STPG2: variants seen among roughly 807,000 people sequenced by gnomAD.
The protein encoded by STPG2 is sperm-tail PG-rich repeat-containing protein 2.
A neutral mutation model predicts 54.2 loss-of-function variants in STPG2; 56 were observed. The ratio of observed to expected loss-of-function variants is 1.03; its 90% CI spans 0.83 to 1.29. STPG2 has a LOEUF of 1.29. Among genes scored for constraint, STPG2 ranks in the 50% most tolerant of loss-of-function variants. The pLI is 0.00. For missense variants in STPG2, 596 were observed against 544.9 expected (o/e 1.09, Z -0.93); for synonymous variants, 200 against 181.8 (o/e 1.10, Z -0.81).
chr4:97,457,672 G>C (rs1729562747), intron 4 of STPG2, among the ~76,000 whole-genome samples: 1 of 152,178 alleles, frequency 6.6e-6, no homozygotes, highest in African/African-American at 2.4e-5. Flanking sequence ...GCCTAAGTTT[G>C]TCTTTTAACA....
At chr4:97,539,045 C>T (rs1266108086) in intron 4 of STPG2, among the ~76,000 whole-genome samples, 2 of 152,080 alleles carry the variant, frequency 1.3e-5, no homozygotes, top group Non-Finnish European at 2.9e-5. Flanking sequence ...GAAGGAAGCA[C>T]TAAACATGGA....
chr4:97,837,605 C>A (rs1193438128), intron 9 of STPG2, among the ~76,000 whole-genome samples: 1 of 151,496 alleles, frequency 6.6e-6, no homozygotes, highest in Non-Finnish European at 1.5e-5. Flanking sequence ...CTTCATTAGA[C>A]AATTCTAACG....
At chr4:98,007,012 T>C (rs1735598052) in intron 5 of STPG2, among the ~76,000 whole-genome samples, 1 of 152,166 alleles carries the variant, frequency 6.6e-6, no homozygotes, top group Non-Finnish European at 1.5e-5. Flanking sequence ...TTCCCTCAGC[T>C]GCCACTGGGG....
At chr4:97,737,415 G>A (rs930001771) in intron 9 of STPG2, among the ~76,000 whole-genome samples, 1 of 152,180 alleles carries the variant, frequency 6.6e-6, no homozygotes, top group Non-Finnish European at 1.5e-5. Context: ...ACTACTCCGA[G>A]CTACAGGAGG....
In STPG2 at chr4:97,563,038, T is replaced by A. The variant is rs538961384; in HGVS notation, c.1321-3921A>T. Among the ~76,000 whole-genome samples the A allele has an allele frequency of 8.5e-5, 13 of 152,300 alleles. No individual in the cohort carries two copies. The East Asian group carries it at 2.5e-3, about 29-fold the overall frequency. On this transcript the variant is annotated intron_variant, in intron 10 of 10. Coordinates refer to ENST00000295268, the MANE Select transcript of STPG2 (RefSeq NM_174952.3). ...AATGGTACCAGTTCCTCCTTGTACCTCTGGTAGAATTCGGCTGTGAATCCA... is the reference window on the plus strand; with the variant it reads ...AATGGTACCAGTTCCTCCTTGTACCACTGGTAGAATTCGGCTGTGAATCCA...
At chr4:97,848,322 T>G (rs1729031916) in intron 8 of STPG2, among the ~76,000 whole-genome samples, 1 of 152,156 alleles carries the variant, frequency 6.6e-6, no homozygotes, top group Non-Finnish European at 1.5e-5. Context: ...ATATTTGAAA[T>G]TTACTACTTT....
intron 5 of STPG2, among the ~76,000 whole-genome samples, chr4:98,006,904 T>C (rs1735595135): frequency 6.6e-6 from 1 of 152,170 alleles, no homozygotes; most frequent in Non-Finnish European, 1.5e-5. Flanking sequence ...CTTCCCTTCC[T>C]GTGCAAAGAA....
At chr4:97,822,052 C>T (rs982841547) in intron 9 of STPG2, among the ~76,000 whole-genome samples, 5 of 152,338 alleles carry the variant, frequency 3.3e-5, no homozygotes, top group Admixed American at 3.3e-4. Context: ...TGCTACATGG[C>T]CAGGCTGCAA....
rs189569155 is a variant in STPG2, at chr4:98,023,136, A to G, written c.613-41818T>C. ...AGTTTTTCTGCTCTGTTTTTTCGCC[A>G]TCTTTGTGGTTTCATCTACTTTTGG... On this transcript the variant is annotated intron_variant, in intron 5 of 10. Transcript: ENST00000295268. Among the ~76,000 whole-genome samples, 796 of 152,136 alleles carry G rather than the reference A, an allele frequency of 5.2e-3. 11 individuals are homozygous for G. Among genetic ancestry groups the G allele is most frequent in the African/African-American group, 0.018 (763 of 41,502 alleles).
intron 8 of STPG2, among the ~76,000 whole-genome samples, chr4:97,861,232 A>G (rs772101898): frequency 1.3e-5 from 2 of 152,208 alleles, no homozygotes; most frequent in African/African-American, 2.4e-5. Flanking sequence ...AAATAGACAT[A>G]TGAAAAAATG....
At chr4:97,694,451 C>T in intron 10 of STPG2, among the ~76,000 whole-genome samples, 1 of 114,284 alleles carries the variant, frequency 8.8e-6, no homozygotes, top group South Asian at 3.7e-4. Context: ...TAGATTAAAA[C>T]AGAAAAAAAA....
intron 4 of STPG2, among the ~76,000 whole-genome samples, chr4:97,518,640 T>C (rs569799757): frequency 2.0e-5 from 3 of 152,100 alleles, no homozygotes; most frequent in Non-Finnish European, 4.4e-5. Context: ...GTAAATACGA[T>C]CCATTCAGGG....
At chr4:97,564,316 C>G (rs1396660442) in intron 10 of STPG2, among the ~76,000 whole-genome samples, 1 of 152,084 alleles carries the variant, frequency 6.6e-6, no homozygotes, top group Non-Finnish European at 1.5e-5. Context: ...TCATTTTGAG[C>G]CTATGTGTGT....
rs183123686 is a variant in STPG2, at chr4:97,544,767, C to T, written c.462+167932G>A. 5.3e-5 allele frequency among the ~76,000 whole-genome samples: 8 copies of T among 152,160 alleles called. No individual in the cohort carries two copies. The East Asian group carries it at 1.5e-3, about 29-fold the overall frequency. ...TTAGAAATTAAAACAGAAAGTTAAA[C>T]ATGCTGTCCCAGATATTACGTTCTT... On this transcript the variant is annotated intron_variant, in intron 4 of 4. Coordinates refer to the STPG2 transcript ENST00000522676.
At chr4:97,955,735 T>G (rs905340165) in intron 7 of STPG2, among the ~76,000 whole-genome samples, 1 of 151,924 alleles carries the variant, frequency 6.6e-6, no homozygotes, top group African/African-American at 2.4e-5. Context: ...TTCAGACACA[T>G]CAAAGGTTAA....
At chr4:97,578,044 T>C (rs1428899428) in intron 10 of STPG2, among the ~76,000 whole-genome samples, 1 of 152,052 alleles carries the variant, frequency 6.6e-6, no homozygotes, top group Non-Finnish European at 1.5e-5. Context: ...ACGCCTCCTG[T>C]TAGATTTAAT....
intron 9 of STPG2, among the ~76,000 whole-genome samples, chr4:97,725,152 G>A (rs1724579103): frequency 6.6e-6 from 1 of 152,038 alleles, no homozygotes; most frequent in Non-Finnish European, 1.5e-5. Context: ...GCAGTCGGGT[G>A]TTCTACTTAT....
At chr4:97,703,609 A>C (rs1033241709) in intron 10 of STPG2, among the ~76,000 whole-genome samples, 4 of 137,238 alleles carry the variant, frequency 2.9e-5, no homozygotes, top group Non-Finnish European at 6.1e-5. Context: ...AGTAGTGTAT[A>C]GTATATATAC....
At chr4:97,546,658 A>G (rs1374163811) in intron 4 of STPG2, among the ~76,000 whole-genome samples, 3 of 152,190 alleles carry the variant, frequency 2.0e-5, no homozygotes, top group African/African-American at 7.2e-5. Context: ...TTTGCATCCA[A>G]TGTTGCTAAA....
Sources: allele counts gnomAD v4.1 joint callset (sites outside exome capture counted in the v4.1 genomes callset), GRCh38; gene constraint gnomAD v4.1.1; transcripts MANE v1.5; gene names NCBI Gene and HGNC (gene_info 2026-07-23, HGNC 2026-07-21).